Variants in VPS8 observed in about 807,000 individuals in gnomAD.
VPS8 encodes the protein vacuolar protein sorting-associated protein 8 homolog.
A neutral mutation model predicts 216.4 loss-of-function variants in VPS8; 129 were observed. The ratio of observed to expected loss-of-function variants is 0.60; its 90% CI spans 0.52 to 0.69. VPS8 has a LOEUF of 0.69. VPS8 is among the 30% of genes least tolerant of loss of function. The pLI is 0.00. For synonymous variants in VPS8, 571 were observed against 565.4 expected, an observed-to-expected ratio of 1.01 and a Z score of -0.14; for missense variants, 1,531 against 1,683.5, an observed-to-expected ratio of 0.91 and a Z score of 1.59.
intron 5 of VPS8, among the ~76,000 whole-genome samples, chr3:184,835,781 C>T (rs1056229285): frequency 2.7e-5 from 4 of 149,574 alleles, no homozygotes; most frequent in African/African-American, 7.4e-5. Context: ...ACGACCTCAG[C>T]TCACTGCAAG....
intron 15 of VPS8, 37 bp from the exon 16 acceptor site, chr3:184,862,860 G>C: frequency 6.3e-7 from 1 of 1,592,222 alleles, no homozygotes. Flanking sequence ...AAGCGGGTGT[G>C]GTCTCACTTT....
In VPS8 at chr3:185,041,440, C is replaced by A. The variant is rs111891247; in HGVS notation, c.4057-7039C>A. Among the ~76,000 whole-genome samples the A allele has an allele frequency of 8.2e-3, 1,253 of 152,192 alleles. 9 individuals are homozygous for A. Among genetic ancestry groups the A allele is most frequent in the Non-Finnish European group, 0.014 (956 of 68,002 alleles). ...ATCTCGGTGCCAGTAGTTCTCTATA[C>A]TATCCTATGCCCTCTATGGAAGGGA... On this transcript the variant is annotated intron_variant, in intron 46 of 47. Coordinates refer to ENST00000625842, the MANE Select transcript of VPS8 (RefSeq NM_001009921.3).
chr3:185,007,876 A>G (rs1279375118), intron 45 of VPS8, among the ~76,000 whole-genome samples: 6 of 152,194 alleles, frequency 3.9e-5, no homozygotes, highest in African/African-American at 9.6e-5. Flanking sequence ...TCTATTAACC[A>G]TTGCACATTG....
chr3:185,009,985 CAAA>C (rs11367805), intron 45 of VPS8, among the ~76,000 whole-genome samples: 28 of 91,372 alleles, frequency 3.1e-4, no homozygotes, highest in Middle Eastern at 5.1e-3. Flanking sequence ...ACTTCAGGTC[CAAA>C]AAAAAAAAAA....
intron 42 of VPS8, among the ~76,000 whole-genome samples, chr3:184,991,934 C>T (rs186359785): frequency 1.7e-3 from 259 of 152,186 alleles, no homozygotes; most frequent in Non-Finnish European, 2.8e-3. Context: ...GAAATTTTTC[C>T]TGTTAAGCTT....
intron 45 of VPS8, among the ~76,000 whole-genome samples, chr3:185,014,425 G>A (rs998331195): frequency 6.6e-6 from 1 of 152,140 alleles, no homozygotes; most frequent in African/African-American, 2.4e-5. Context: ...AAGGTTTCAG[G>A]TGTCTTGATG....
intron 13 of VPS8, 82 bp downstream of exon 13, chr3:184,854,255 C>T (rs540148795): frequency 2.8e-5 from 41 of 1,460,588 alleles, no homozygotes; most frequent in African/African-American, 2.8e-4. Context: ...GGGGTGAATT[C>T]TATGAGATTG....
At chr3:184,900,775 T>A in intron 24 of VPS8, 146 bp from the exon 25 acceptor site, 1 of 667,708 alleles carries the variant, frequency 1.5e-6, no homozygotes, top group South Asian at 2.3e-5. Context: ...AAACATTTCA[T>A]GTACAGATTA....
At chr3:184,935,907 G>C (rs1355845765) in intron 34 of VPS8, among the ~76,000 whole-genome samples, 1 of 152,128 alleles carries the variant, frequency 6.6e-6, no homozygotes. Flanking sequence ...TTAAGCTCCA[G>C]GGTGAAATGC....
chr3:184,843,303 A>T, intron 8 of VPS8, 58 bp downstream of exon 8: 1 of 1,250,850 alleles, frequency 8.0e-7, no homozygotes, highest in Non-Finnish European at 1.1e-6. Flanking sequence ...TTAATGTTGG[A>T]AGAGAATGCT....
chr3:185,050,037 G>A (rs1561279459), intron 47 of VPS8, among the ~76,000 whole-genome samples: 1 of 151,722 alleles, frequency 6.6e-6, no homozygotes, highest in Non-Finnish European at 1.5e-5. Context: ...GCTTCAAACT[G>A]TTGAGCCCTT....
intron 1 of VPS8, among the ~76,000 whole-genome samples, chr3:184,815,385 G>C (rs1404051620): frequency 6.6e-6 from 1 of 152,174 alleles, no homozygotes; most frequent in East Asian, 1.9e-4. Flanking sequence ...CATTACAACA[G>C]CTGTGACATC....
chr3:184,932,700 A>G (rs532968452), intron 34 of VPS8, among the ~76,000 whole-genome samples: 1 of 152,074 alleles, frequency 6.6e-6, no homozygotes, highest in South Asian at 2.1e-4. Flanking sequence ...TGTTTTGCCT[A>G]TTCTTGAACT....
At chr3:184,992,242 C>T (rs1751996871) in intron 42 of VPS8, among the ~76,000 whole-genome samples, 1 of 152,146 alleles carries the variant, frequency 6.6e-6, no homozygotes, top group Admixed American at 6.6e-5. Context: ...CTTCTGAACT[C>T]ACAGTAACTC....
intron 13 of VPS8, 49 bp from the exon 14 acceptor site, chr3:184,855,662 C>T (rs762219259): frequency 1.4e-5 from 20 of 1,408,486 alleles, no homozygotes; most frequent in Non-Finnish European, 1.8e-5. Flanking sequence ...TCTCTTTGTC[C>T]CCTTGTTTAT....
At chr3:185,024,539 C>G (rs1476215243) in intron 46 of VPS8, 150 bp downstream of exon 46, 5 of 910,410 alleles carry the variant, frequency 5.5e-6, no homozygotes, top group Non-Finnish European at 8.0e-6. Flanking sequence ...GACATGTCTC[C>G]AGGCCTCCTC....
intron 15 of VPS8, 56 bp from the exon 16 acceptor site, chr3:184,862,841 C>T (rs1726621678): frequency 1.9e-6 from 3 of 1,552,332 alleles, no homozygotes; most frequent in Non-Finnish European, 2.6e-6. Flanking sequence ...CTTCTTGACC[C>T]AAATGATGAA....
At chr3:184,971,391 A>G (rs958484941) in intron 39 of VPS8, among the ~76,000 whole-genome samples, 4 of 152,252 alleles carry the variant, frequency 2.6e-5, no homozygotes, top group East Asian at 1.9e-4. Flanking sequence ...GGGATTTTCC[A>G]TATTTCCATA....
In VPS8 at chr3:184,850,505, G is replaced by T. The variant is rs556408467; in HGVS notation, c.753+483G>T. ...AAAACCAAGGTTTGGATTATGTTTA[G>T]AAATGAATCTATTGGTTTATTTTCT... On this transcript the variant is annotated intron_variant, in intron 10 of 47. Transcript: ENST00000625842. 8.5e-5 allele frequency among the ~76,000 whole-genome samples: 13 copies of T among 152,286 alleles called. 1 individual carries two copies. The highest frequency in any genetic ancestry group is 7.7e-4 in the East Asian group (4 of 5,186).
Sources: allele counts gnomAD v4.1 joint callset (sites outside exome capture counted in the v4.1 genomes callset), GRCh38; gene constraint gnomAD v4.1.1; transcripts MANE v1.5; gene names NCBI Gene and HGNC (gene_info 2026-07-23, HGNC 2026-07-21).